PTPRG: variants seen among roughly 807,000 people sequenced by gnomAD.
PTPRG encodes receptor-type tyrosine-protein phosphatase gamma.
A neutral mutation model predicts 165.3 loss-of-function variants in PTPRG; 102 were observed. The observed-to-expected ratio is 0.62, with a 90% CI of 0.53 to 0.73. The LOEUF (loss-of-function observed/expected upper bound fraction) is 0.73, where lower values mean the gene tolerates loss of function less well. Among genes scored for constraint, PTPRG ranks in the 30% least tolerant of loss-of-function variants. The pLI, the probability that PTPRG is intolerant of heterozygous loss-of-function variation, is 0.00. For synonymous variants in PTPRG, 675 were observed against 669.5 expected (o/e 1.01, Z -0.13); for missense variants, 1,866 against 1,861.4 (o/e 1.00, Z -0.05).
chr3:61,677,378 T>C (rs1703271183), intron 1 of PTPRG, among the ~76,000 whole-genome samples: 5 of 152,236 alleles, frequency 3.3e-5, no homozygotes, highest in African/African-American at 1.2e-4. Flanking sequence ...GTCTCTCTTA[T>C]TCTTCCCACT....
intron 6 of PTPRG, among the ~76,000 whole-genome samples, chr3:62,143,820 G>T (rs752619828): frequency 2.0e-5 from 3 of 152,190 alleles, no homozygotes; most frequent in Non-Finnish European, 4.4e-5. Context: ...TTTGGGAGCT[G>T]TGTGACCCCA....
At chr3:61,762,574 G>C (rs953399631) in intron 2 of PTPRG, among the ~76,000 whole-genome samples, 5 of 152,198 alleles carry the variant, frequency 3.3e-5, no homozygotes. Flanking sequence ...TCATGCCCCT[G>C]TACTCCAGCC....
intron 2 of PTPRG, among the ~76,000 whole-genome samples, chr3:61,779,611 G>C (rs2034486264): frequency 6.6e-6 from 1 of 152,004 alleles, no homozygotes; most frequent in South Asian, 2.1e-4. Flanking sequence ...CACCTCAGAG[G>C]GTAGATATCC....
At chr3:62,026,115 T>C (rs1185560223) in intron 4 of PTPRG, among the ~76,000 whole-genome samples, 1 of 152,182 alleles carries the variant, frequency 6.6e-6, no homozygotes, top group Non-Finnish European at 1.5e-5. Context: ...TTATTTCTCA[T>C]AGATTTACTA....
intron 2 of PTPRG, among the ~76,000 whole-genome samples, chr3:61,761,430 T>A (rs2033830246): frequency 6.6e-6 from 1 of 151,984 alleles, no homozygotes; most frequent in South Asian, 2.1e-4. Context: ...TACAAAAAAA[T>A]TAGCCAGGCG....
At chr3:62,187,204 G>A (rs1044583557) in intron 8 of PTPRG, among the ~76,000 whole-genome samples, 4 of 152,190 alleles carry the variant, frequency 2.6e-5, no homozygotes, top group African/African-American at 7.2e-5. Flanking sequence ...ACAACTCCAC[G>A]TACTAGTAAG....
chr3:62,260,274 T>C (rs1701656432), intron 16 of PTPRG, among the ~76,000 whole-genome samples: 1 of 152,228 alleles, frequency 6.6e-6, no homozygotes, highest in African/African-American at 2.4e-5. Context: ...TATTCTCAGC[T>C]ACCTTTTTGG....
chr3:61,881,972 G>A (rs2037900461), intron 2 of PTPRG, among the ~76,000 whole-genome samples: 1 of 152,170 alleles, frequency 6.6e-6, no homozygotes, highest in Non-Finnish European at 1.5e-5. Context: ...CCCGTGTATA[G>A]CAGAGCTACT....
intron 1 of PTPRG, among the ~76,000 whole-genome samples, chr3:61,581,122 T>G (rs908588657): frequency 6.6e-6 from 1 of 152,206 alleles, no homozygotes; most frequent in Non-Finnish European, 1.5e-5. Context: ...TAGCCAGGGA[T>G]GAATTTTAAA....
chr3:62,201,849 C>G (rs1461962807), intron 11 of PTPRG, among the ~76,000 whole-genome samples: 1 of 152,084 alleles, frequency 6.6e-6, no homozygotes, highest in African/African-American at 2.4e-5. Context: ...TAAATCTGTT[C>G]CAACCCTTTC....
At chr3:61,784,051 A>G (rs1275209259) in intron 2 of PTPRG, among the ~76,000 whole-genome samples, 2 of 152,238 alleles carry the variant, frequency 1.3e-5, no homozygotes, top group African/African-American at 4.8e-5. Flanking sequence ...AGAAACACCA[A>G]TATTAAAGAA....
intron 4 of PTPRG, among the ~76,000 whole-genome samples, chr3:62,073,756 C>T (rs1701286246): frequency 6.6e-6 from 1 of 152,206 alleles, no homozygotes; most frequent in Admixed American, 6.5e-5. Context: ...GCTGGGATTA[C>T]AGGTGTAAGC....
rs561334410 is a variant in PTPRG at position 61,939,928 on chromosome 3, C to CTTT, written c.191-49663_191-49661dup. Among the ~76,000 whole-genome samples the CTTT allele has an allele frequency of 5.1e-4, 20 of 39,142 alleles. 3 individuals carry two copies. The highest frequency in any genetic ancestry group is 1.8e-3 in the Admixed American group (4 of 2,196). 25.7% of individuals were successfully genotyped at this position (39,142 alleles called of 152,430 possible). ...TGTCTTGGCTTCCTTACTGACTTGT[C>CTTT]TTTTTTTTTTTTTTTTTTTTTTTTT... On this transcript the variant is annotated intron_variant, in intron 2 of 29. Coordinates refer to ENST00000474889, the MANE Select transcript of PTPRG (RefSeq NM_002841.4).
intron 26 of PTPRG, 53 bp from the exon 27 acceptor site, chr3:62,281,510 A>AAAC: frequency 7.5e-7 from 1 of 1,334,858 alleles, no homozygotes; most frequent in Middle Eastern, 2.3e-4. Flanking sequence ...AAGAAATAGA[A>AAAC]AACAAATCCT....
intron 17 of PTPRG, chr3:62,263,751 G>A (rs1367731553): frequency 6.6e-6 from 1 of 152,344 alleles, no homozygotes; most frequent in Non-Finnish European, 1.5e-5. Context: ...AGTGGCTTAC[G>A]CCTGTAATCC....
At chr3:62,100,110 A>G (rs1175198992) in intron 5 of PTPRG, among the ~76,000 whole-genome samples, 1 of 152,148 alleles carries the variant, frequency 6.6e-6, no homozygotes. Flanking sequence ...ACTGGAATCT[A>G]GCTAGTAGGT....
Position 62,089,579 on chromosome 3 carries a change from A to G in PTPRG, c.615+11321A>G, listed in dbSNP as rs191635942. On this transcript the variant is annotated intron_variant, in intron 5 of 29. Coordinates refer to ENST00000474889, the MANE Select transcript of PTPRG (RefSeq NM_002841.4). ...GTAAAAGACACAGTAGTTGGTGCTC[A>G]TATCATCTCTTTATTATGATTGTAC... is the stretch of plus-strand genomic sequence containing the variant. Among the ~76,000 whole-genome samples, 330 of 152,336 alleles carry G rather than the reference A, an allele frequency of 2.2e-3. 3 individuals are homozygous for G. Among genetic ancestry groups the G allele is most frequent in the African/African-American group, 7.3e-3 (305 of 41,578 alleles).
chr3:61,911,142 T>C (rs2107540643), intron 2 of PTPRG, among the ~76,000 whole-genome samples: 1 of 152,332 alleles, frequency 6.6e-6, no homozygotes, highest in Non-Finnish European at 1.5e-5. Flanking sequence ...CAACCTCTAT[T>C]TCCTTCTTTC....
intron 1 of PTPRG, among the ~76,000 whole-genome samples, chr3:61,606,159 C>G (rs979552365): frequency 1.3e-5 from 2 of 152,198 alleles, no homozygotes; most frequent in African/African-American, 2.4e-5. Flanking sequence ...ATTAGGGTGC[C>G]AGCCAGGGCT....
Sources: gnomAD v4.1 joint callset for allele counts (sites outside exome capture counted in the v4.1 genomes callset) on GRCh38, gnomAD v4.1.1 for gene constraint, MANE v1.5 for transcripts, NCBI Gene and HGNC (gene_info 2026-07-23, HGNC 2026-07-21) for gene names.